The following PRKAR1B variants were observed in gnomAD, a reference collection of about 807,000 sequenced individuals.
The protein encoded by PRKAR1B is protein kinase cAMP-dependent type I regulatory subunit beta.
PRKAR1B carries 22 observed loss-of-function variants against 46.5 expected under a neutral mutation model. The observed-to-expected ratio is 0.47, with a 90% CI of 0.34 to 0.68. PRKAR1B has a LOEUF of 0.68. Among genes scored for constraint, PRKAR1B ranks in the 30% least tolerant of loss-of-function variants. The pLI, the probability that PRKAR1B is intolerant of heterozygous loss-of-function variation, is 0.01. For missense variants in PRKAR1B, 445 were observed against 535.6 expected, an observed-to-expected ratio of 0.83 and a Z score of 1.67; for synonymous variants, 259 against 217.7, an observed-to-expected ratio of 1.19 and a Z score of -1.67.
At chr7:567,745 G>A (rs1583216195) in intron 9 of PRKAR1B, among the ~76,000 whole-genome samples, 1 of 152,238 alleles carries the variant, frequency 6.6e-6, no homozygotes, top group Non-Finnish European at 1.5e-5. Flanking sequence ...GGCCCTTGAG[G>A]ACACTATGCA....
chr7:671,680 A>G (rs1175971941), intron 4 of PRKAR1B, among the ~76,000 whole-genome samples: 2 of 152,128 alleles, frequency 1.3e-5, no homozygotes, highest in Admixed American at 6.5e-5. Context: ...ACATATTTGA[A>G]TCCCAGGAGG....
chr7:587,293 G>A lies in PRKAR1B; in HGVS notation c.709-2725C>T, dbSNP rs139334230. ...CACTCCAATCACTCACAGGAATGGA[G>A]ATCGCAATCAGGCACCACTTGGTGT... On this transcript the variant is annotated intron_variant, in intron 7 of 10. Coordinates refer to ENST00000537384, the MANE Select transcript of PRKAR1B (RefSeq NM_001164760.2). Among the ~76,000 whole-genome samples the A allele has an allele frequency of 1.8e-3, 281 of 152,332 alleles. 1 individual carries two copies. Among genetic ancestry groups the A allele is most frequent in the African/African-American group, 6.6e-3 (274 of 41,568 alleles).
chr7:632,433 C>CG (rs959816116), intron 4 of PRKAR1B, among the ~76,000 whole-genome samples: 30 of 152,242 alleles, frequency 2.0e-4, no homozygotes, highest in African/African-American at 6.5e-4. Flanking sequence ...CAGGCTCCAC[C>CG]GGGGGGGTCT....
intron 4 of PRKAR1B, among the ~76,000 whole-genome samples, chr7:651,612 G>C (rs1266845686): frequency 2.2e-5 from 3 of 137,874 alleles, no homozygotes; most frequent in East Asian, 2.2e-4. Flanking sequence ...GAAACCCCCT[G>C]TCAGAAGACA....
chr7:555,046 A>G (rs921704174), intron 9 of PRKAR1B, among the ~76,000 whole-genome samples: 1 of 152,194 alleles, frequency 6.6e-6, no homozygotes, highest in African/African-American at 2.4e-5. Flanking sequence ...CCATCAGCAG[A>G]AAGACAGAAC....
intron 8 of PRKAR1B, among the ~76,000 whole-genome samples, chr7:581,511 T>C (rs1464584896): frequency 6.6e-6 from 1 of 152,212 alleles, no homozygotes; most frequent in African/African-American, 2.4e-5. Flanking sequence ...CTGGTTTCCT[T>C]ACAAGGACAG....
Position 567,367 on chromosome 7 carries a change from TCATCATCATCACCATCACCTC to T in PRKAR1B, c.891+11868_891+11888del, listed in dbSNP as rs1175772666. On this transcript the variant is annotated intron_variant, in intron 9 of 10. Transcript: ENST00000537384. ...TGTCATCACATCACCTTCATCACCT[TCATCATCATCACCATCACCTC>T]CATCATCATCACCATCACCTCCATC... Among the ~76,000 whole-genome samples the T allele has an allele frequency of 4.9e-4, 68 of 137,466 alleles. 1 individual carries two copies. Among genetic ancestry groups the T allele is most frequent in the African/African-American group, 8.5e-4 (32 of 37,510 alleles). 90.2% of individuals were successfully genotyped at this position (137,466 alleles called of 152,430 possible).
chr7:559,630 T>C (rs1778663224), intron 9 of PRKAR1B, among the ~76,000 whole-genome samples: 1 of 151,998 alleles, frequency 6.6e-6, no homozygotes, highest in Non-Finnish European at 1.5e-5. Flanking sequence ...AGGAAGCCCA[T>C]CTCTTCCTAT....
At position 560,830 on chromosome 7, in the gene PRKAR1B, G is replaced by T. The variant is rs536620329; in HGVS notation, c.892-9360C>A. On this transcript the variant is annotated intron_variant, in intron 9 of 10. Transcript: ENST00000537384. The surrounding 1 kb of genome is among the most constrained non-coding windows in gnomAD (Gnocchi z 4.2). ...ATGAGGGCGGCGGCCATGAGTGAAC[G>T]TAAGAGTGGACAGACACCAAATGCC... is the stretch of plus-strand genomic sequence containing the variant. 3.5e-4 allele frequency among the ~76,000 whole-genome samples: 53 copies of T among 152,220 alleles called. No individual in the cohort carries two copies. The highest frequency in any genetic ancestry group is 6.6e-4 in the Non-Finnish European group (45 of 68,040).
intron 8 of PRKAR1B, among the ~76,000 whole-genome samples, chr7:581,757 C>T (rs1455377663): frequency 2.0e-5 from 3 of 152,106 alleles, no homozygotes. Context: ...GCTCTGTCAC[C>T]CAGCCTGGAG....
chr7:668,917 G>C (rs527603212), intron 4 of PRKAR1B, among the ~76,000 whole-genome samples: 2 of 152,212 alleles, frequency 1.3e-5, no homozygotes, highest in East Asian at 3.9e-4. Flanking sequence ...GGCTGGAAGG[G>C]AAGCACAATC....
At chr7:576,940 C>A (rs958138976) in intron 9 of PRKAR1B, among the ~76,000 whole-genome samples, 1 of 152,346 alleles carries the variant, frequency 6.6e-6, no homozygotes, top group South Asian at 2.1e-4. Context: ...TGTGTTCCAG[C>A]GGTGGTGAGC....
Position 667,551 on chromosome 7 carries a change from T to C in PRKAR1B, c.440+9678A>G, listed in dbSNP as rs1290800320. Among the ~76,000 whole-genome samples, 5 of 152,218 alleles carry C rather than the reference T, an allele frequency of 3.3e-5. No individual in the cohort carries two copies. Among genetic ancestry groups the C allele is most frequent in the Non-Finnish European group, 7.3e-5 (5 of 68,040 alleles). ...CTGTCTCACCCCTGAGCTGTCTCCCTGCAGCTGCAGTTCACTACAGGACAG... is the reference window on the plus strand; with the variant it reads ...CTGTCTCACCCCTGAGCTGTCTCCCCGCAGCTGCAGTTCACTACAGGACAG... On this transcript the variant is annotated intron_variant, in intron 4 of 10. Coordinates refer to ENST00000537384, the MANE Select transcript of PRKAR1B (RefSeq NM_001164760.2). The surrounding 1 kb of genome is among the most constrained non-coding windows in gnomAD (Gnocchi z 4.3).
At chr7:592,406 G>T (rs1342399521) in intron 7 of PRKAR1B, among the ~76,000 whole-genome samples, 1 of 152,322 alleles carries the variant, frequency 6.6e-6, no homozygotes, top group African/African-American at 2.4e-5. Flanking sequence ...GAGTCACTCC[G>T]GACACTGGTC....
chr7:669,711 C>T (rs1786119313), intron 4 of PRKAR1B, among the ~76,000 whole-genome samples: 1 of 151,160 alleles, frequency 6.6e-6, no homozygotes, highest in South Asian at 2.1e-4. Context: ...TTGCAGTGAG[C>T]CGAGATAGCG....
At position 636,998 on chromosome 7, in the gene PRKAR1B, T is replaced by C. The variant is rs572366814; in HGVS notation, c.441-29546A>G. Among the ~76,000 whole-genome samples, 111 of 152,236 alleles carry C rather than the reference T, an allele frequency of 7.3e-4. 1 individual carries two copies. Among genetic ancestry groups the C allele is most frequent in the African/African-American group, 2.6e-3 (108 of 41,556 alleles). ...CAAGCTCCAGGACCAGTCAGAAACCTTGAAGGAGGTGAGGTGTGGTGGTTC... is the reference window on the plus strand; with the variant it reads ...CAAGCTCCAGGACCAGTCAGAAACCCTGAAGGAGGTGAGGTGTGGTGGTTC... On this transcript the variant is annotated intron_variant, in intron 4 of 10. Coordinates refer to ENST00000537384, the MANE Select transcript of PRKAR1B (RefSeq NM_001164760.2).
At chr7:634,117 G>A (rs1783908443) in intron 4 of PRKAR1B, among the ~76,000 whole-genome samples, 1 of 152,166 alleles carries the variant, frequency 6.6e-6, no homozygotes, top group South Asian at 2.1e-4. Flanking sequence ...CTGCCTCCCA[G>A]GTTCACGCCA....
At position 685,400 on chromosome 7, in the gene PRKAR1B, A is replaced by ATATG. The variant is rs1554303311; in HGVS notation, c.178-4675_178-4674insCATA. 3.1e-4 allele frequency among the ~76,000 whole-genome samples: 39 copies of ATATG among 124,044 alleles called. 6 individuals carry two copies. Among genetic ancestry groups the ATATG allele is most frequent in the Middle Eastern group, 4.5e-3 (1 of 222 alleles). The allele number at this position is 124,044 out of a possible 152,430, so 81.4% of individuals were successfully genotyped here. On this transcript the variant is annotated intron_variant, in intron 2 of 10. Coordinates refer to ENST00000537384, the MANE Select transcript of PRKAR1B (RefSeq NM_001164760.2). ...TATATACATACATATATATATATAT[A>ATATG]TGTATATATATACCAAAAACATTCC...
At chr7:638,515 C>G (rs1027567619) in intron 4 of PRKAR1B, among the ~76,000 whole-genome samples, 2 of 152,178 alleles carry the variant, frequency 1.3e-5, no homozygotes, top group Non-Finnish European at 2.9e-5. Flanking sequence ...AGGGCTCTCT[C>G]CTCGCCAGGC....
Sources: gnomAD v4.1 joint callset for allele counts (sites outside exome capture counted in the v4.1 genomes callset) on GRCh38, gnomAD v4.1.1 for gene constraint, Gnocchi (gnomAD v3.1) non-coding constraint, MANE v1.5 for transcripts, NCBI Gene and HGNC (gene_info 2026-07-23, HGNC 2026-07-21) for gene names.